The following GDF6 variants were observed in gnomAD, a reference collection of about 807,000 sequenced individuals.
The protein encoded by GDF6 is growth/differentiation factor 6.
A neutral mutation model predicts 32.4 loss-of-function variants in GDF6; 3 were observed. That is an observed-to-expected ratio of 0.09 (90% CI 0.04 to 0.24). The LOEUF is 0.24. Ranked by LOEUF, GDF6 falls within the 10% of genes least tolerant of loss-of-function variation. The pLI is 1.00. For missense variants in GDF6, 589 were observed against 637.9 expected (o/e 0.92, Z 0.83); for synonymous variants, 296 against 295.3 (o/e 1.00, Z -0.03).
Position 96,144,281 on chromosome 8 carries a change from AGAGAGAG to A in GDF6, c.*275_*281del. On this transcript the variant is annotated 3_prime_UTR_variant, in exon 2 of 2. Coordinates refer to ENST00000287020, the MANE Select transcript of GDF6 (RefSeq NM_001001557.4). This position sits in a 1 kb window ranked among gnomAD's most constrained non-coding sequence, Gnocchi z 5.1. The stretch of plus-strand genomic sequence containing the variant: ...GAGAGAGAGAGAGAGAGAGAGAGAG[AGAGAGAG>A]AGAAAACAGAACAAAAGAAATCCTC... 6.2e-6 allele frequency: 3 copies of A among 487,204 alleles called. No individual in the cohort carries two copies. Among genetic ancestry groups the A allele is most frequent in the Non-Finnish European group, 1.1e-5 (3 of 269,122 alleles). 30.2% of individuals were successfully genotyped at this position (487,204 alleles called of 1,614,324 possible).
At position 96,160,557 on chromosome 8, in the gene GDF6, G is replaced by A. The variant is rs766832433; in HGVS notation, c.136C>T (p.Arg46Cys). The change falls in exon 1 of 2, where the codon CGC (arginine) becomes TGC (cysteine). Residue 46 changes from arginine (R) to cysteine (C), a missense_variant. Coordinates refer to ENST00000287020, the MANE Select transcript of GDF6 (RefSeq NM_001001557.4). ...ELGSTKGMRS[R>C]KEGKMQRAPR... ...GCCCGCTGCATCTTGCCTTCCTTGC[G>A]GCTTCGCATGCCCTTGGTGGAACCC... 5 of 1,613,618 alleles carry A rather than the reference G, an allele frequency of 3.1e-6. No homozygotes were observed. The East Asian group carries it at 6.7e-5, about 22-fold the overall frequency.
chr8:96,154,396 T>G (rs557264852), intron 1 of GDF6, among the ~76,000 whole-genome samples: 1 of 152,334 alleles, frequency 6.6e-6, no homozygotes, highest in Admixed American at 6.5e-5. Flanking sequence ...TGGACTGTCT[T>G]AGAAGGCAGA....
intron 1 of GDF6, among the ~76,000 whole-genome samples, chr8:96,157,778 A>C (rs1040670749): frequency 6.6e-6 from 1 of 152,126 alleles, no homozygotes; most frequent in Admixed American, 6.5e-5. Context: ...GTGTTATGAC[A>C]TGAACCCTCA....
rs769038741 is a variant in GDF6, at chr8:96,144,550, G to C, written c.*13C>G. The stretch of plus-strand genomic sequence containing the variant: ...CACCTTGGTTCCGGGCCAAGGCGGC[G>C]GGAAAGGCACCGCTACCTGCAGCCG... On this transcript the variant is annotated 3_prime_UTR_variant, in exon 2 of 2. Coordinates refer to ENST00000287020, the MANE Select transcript of GDF6 (RefSeq NM_001001557.4). This position sits in a 1 kb window ranked among gnomAD's most constrained non-coding sequence, Gnocchi z 5.1. 2.5e-6 allele frequency: 4 copies of C among 1,612,800 alleles called. No individual in the cohort carries two copies. The highest frequency in any genetic ancestry group is 2.5e-6 in the Non-Finnish European group (3 of 1,179,636).
Position 96,144,523 on chromosome 8 carries a change from C to T in GDF6, c.*40G>A, listed in dbSNP as rs1253201226. The T allele has an allele frequency of 1.2e-6, 2 of 1,606,392 alleles. No individual in the cohort carries two copies. The highest frequency in any genetic ancestry group is 1.3e-5 in the African/African-American group (1 of 74,932). The stretch of plus-strand genomic sequence containing the variant: ...GCCTCCCCTGCAAGGCGGACCTTGG[C>T]CCACCTTGGTTCCGGGCCAAGGCGG... On this transcript the variant is annotated 3_prime_UTR_variant, in exon 2 of 2. Transcript: ENST00000287020. This position sits in a 1 kb window ranked among gnomAD's most constrained non-coding sequence, Gnocchi z 5.1.
chr8:96,143,618 A>T lies in GDF6; in HGVS notation c.*945T>A, dbSNP rs1345458644. On this transcript the variant is annotated 3_prime_UTR_variant, in exon 2 of 2. Coordinates refer to ENST00000287020, the MANE Select transcript of GDF6 (RefSeq NM_001001557.4). ...CAAATTCTGTTGAAAGAAATCAATT[A>T]GAATCAGAAAGGGCATTTGGGTGGG... is the stretch of plus-strand genomic sequence containing the variant. The T allele has an allele frequency of 6.5e-6, 1 of 152,694 alleles. No homozygotes were observed. Among genetic ancestry groups the T allele is most frequent in the Non-Finnish European group, 1.5e-5 (1 of 68,058 alleles). 9.5% of individuals were successfully genotyped at this position (152,694 alleles called of 1,614,324 possible).
At position 96,145,378 on chromosome 8, in the gene GDF6, G is replaced by A; in HGVS notation, c.553C>T (p.His185Tyr). ...GAAAGGCAAGGGAAGAGCTGCACGT[G>A]GAGCGGCCCGGCTGGTGGCCCCCAG... is the stretch of plus-strand genomic sequence containing the variant. ...APWGPPAGPL[H>Y]VQLFPCLSPL... Residue 185 changes from histidine to tyrosine, a missense_variant, in exon 2 of 2, where the codon CAC (histidine) becomes TAC (tyrosine). His to Tyr is a moderately conservative substitution (Grantham distance 83). Transcript: ENST00000287020. This position sits in a 1 kb window ranked among gnomAD's most constrained non-coding sequence, Gnocchi z 5.6. The A allele has an allele frequency of 6.4e-7, 1 of 1,569,062 alleles. No individual in the cohort carries two copies. The highest frequency in any genetic ancestry group is 8.6e-7 in the Non-Finnish European group (1 of 1,164,906).
Position 96,145,667 on chromosome 8 carries a change from AC to A in GDF6, c.407-144del. The A allele has an allele frequency of 1.1e-6, 1 of 945,124 alleles. No individual in the cohort carries two copies. The highest frequency in any genetic ancestry group is 1.6e-6 in the Non-Finnish European group (1 of 625,522). The allele number at this position is 945,124 out of a possible 1,614,324, so 58.5% of individuals were successfully genotyped here. A position where few individuals can be genotyped will look rare whatever the true frequency, so the allele number is the denominator to read the frequency against. On this transcript the variant is annotated intron_variant, in intron 1 of 1. Coordinates refer to ENST00000287020, the MANE Select transcript of GDF6 (RefSeq NM_001001557.4). The surrounding 1 kb of genome is among the most constrained non-coding windows in gnomAD (Gnocchi z 5.6). The stretch of plus-strand genomic sequence containing the variant: ...AGCTTGCCCGGCCCAGGGCCTGACC[AC>A]CCCGGCTCCCCATCTGGCTGGTGCA...
At chr8:96,157,804 T>C (rs575124860) in intron 1 of GDF6, among the ~76,000 whole-genome samples, 1 of 152,230 alleles carries the variant, frequency 6.6e-6, no homozygotes, top group African/African-American at 2.4e-5. Flanking sequence ...ATCGCTGAGT[T>C]GAAACACTCC....
chr8:96,153,532 C>A (rs943816150), intron 1 of GDF6, among the ~76,000 whole-genome samples: 4 of 152,212 alleles, frequency 2.6e-5, no homozygotes, highest in African/African-American at 9.6e-5. Flanking sequence ...GCCTTCCCTG[C>A]ACTGTCGACC....
At chr8:96,156,695 T>A (rs1812671392) in intron 1 of GDF6, among the ~76,000 whole-genome samples, 2 of 152,196 alleles carry the variant, frequency 1.3e-5, no homozygotes, top group South Asian at 2.1e-4. Flanking sequence ...AGAGCATTTT[T>A]AAAAATCAGG....
chr8:96,148,406 A>G (rs1229253339), intron 1 of GDF6, among the ~76,000 whole-genome samples: 1 of 152,224 alleles, frequency 6.6e-6, no homozygotes. Flanking sequence ...TATATGGCCC[A>G]GGTATCTGGA....
intron 1 of GDF6, among the ~76,000 whole-genome samples, chr8:96,154,973 T>G (rs1812635106): frequency 6.6e-6 from 1 of 152,088 alleles, no homozygotes; most frequent in African/African-American, 2.4e-5. Context: ...ACACGCATCC[T>G]CTCCGGTCGG....
intron 1 of GDF6, among the ~76,000 whole-genome samples, chr8:96,159,447 ACAGAG>A: frequency 6.6e-6 from 1 of 152,286 alleles, no homozygotes; most frequent in East Asian, 1.9e-4. Context: ...AGGCGTTCCC[ACAGAG>A]GGTACCAGGG....
intron 1 of GDF6, among the ~76,000 whole-genome samples, chr8:96,146,703 C>CAGAGAGAGAGAGAG (rs201295376): frequency 1.5e-5 from 2 of 134,536 alleles, no homozygotes; most frequent in African/African-American, 6.6e-5. Flanking sequence ...CACACACACA[C>CAGAGAGAGAGAGAG]ACACAGAGAG....
chr8:96,155,293 GTCTT>G (rs1004770819), intron 1 of GDF6, among the ~76,000 whole-genome samples: 3 of 152,244 alleles, frequency 2.0e-5, no homozygotes, highest in Admixed American at 6.5e-5. Flanking sequence ...ATACTAGGTG[GTCTT>G]TCTTTCTTTC....
chr8:96,154,179 G>A (rs1291733115), intron 1 of GDF6, among the ~76,000 whole-genome samples: 1 of 152,246 alleles, frequency 6.6e-6, no homozygotes, highest in Admixed American at 6.5e-5. Context: ...AGCTAAACCA[G>A]CCTGGGCTAG....
At position 96,143,433 on chromosome 8, in the gene GDF6, CT is replaced by C. The variant is rs1205913229; in HGVS notation, c.*1129del. On this transcript the variant is annotated 3_prime_UTR_variant, in exon 2 of 2. Transcript: ENST00000287020. ...GCCTGTCCCTTGATCCCCATCCTCC[CT>C]GAGGCCCACCATCTTCCCTCCTGAT... is the stretch of plus-strand genomic sequence containing the variant. 19 of 152,780 alleles carry C rather than the reference CT, an allele frequency of 1.2e-4. No individual in the cohort carries two copies. Among genetic ancestry groups the C allele is most frequent in the Non-Finnish European group, 2.8e-4 (19 of 68,134 alleles). The allele number at this position is 152,780 out of a possible 1,614,324, so 9.5% of individuals were successfully genotyped here.
At chr8:96,147,183 C>T (rs1812500680) in intron 1 of GDF6, among the ~76,000 whole-genome samples, 1 of 151,630 alleles carries the variant, frequency 6.6e-6, no homozygotes, top group Non-Finnish European at 1.5e-5. Context: ...CCAGTTTGTA[C>T]TCGGGGCTGA....
Sources: allele counts gnomAD v4.1 joint callset (sites outside exome capture counted in the v4.1 genomes callset), GRCh38; gene constraint gnomAD v4.1.1; non-coding constraint Gnocchi (gnomAD v3.1); transcripts MANE v1.5; gene names NCBI Gene and HGNC (gene_info 2026-07-23, HGNC 2026-07-21).